The following MAP4K1 variants were observed in gnomAD, a reference collection of about 807,000 sequenced individuals.
MAP4K1 encodes mitogen-activated protein kinase kinase kinase kinase 1.
In MAP4K1, 35 loss-of-function variants were observed where a neutral mutation model predicts 122.8. The observed-to-expected ratio is 0.29, with a 90% CI of 0.22 to 0.38. The LOEUF is 0.38. Among genes scored for constraint, MAP4K1 ranks in the 10% least tolerant of loss-of-function variants. MAP4K1 has a pLI of 1.00. For synonymous variants in MAP4K1, 412 were observed against 421.3 expected (o/e 0.98, Z 0.27); for missense variants, 791 against 1,072.6 (o/e 0.74, Z 3.67).
At chr19:38,594,590 G>A (rs758968092) in intron 29 of MAP4K1, among the ~76,000 whole-genome samples, 18 of 150,664 alleles carry the variant, frequency 1.2e-4, no homozygotes, top group Non-Finnish European at 1.8e-4. Context: ...CAGTGAGCTC[G>A]GATCATGCCA....
Position 38,605,506 on chromosome 19 carries a change from G to A in MAP4K1, c.1364-15C>T, listed in dbSNP as rs765010081. On this transcript the variant is annotated splice_polypyrimidine_tract_variant and intron_variant, in intron 18 of 30. Coordinates refer to ENST00000396857, the MANE Select transcript of MAP4K1 (RefSeq NM_001042600.3). ...GAGTGAGGGTTCTGAGAGGGGTTAG[G>A]AGAAAATCAGCCCCCAAGAACCCCC... 45 of 1,561,818 alleles carry A rather than the reference G, an allele frequency of 2.9e-5. No homozygotes were observed. Among genetic ancestry groups the A allele is most frequent in the Middle Eastern group, 2.2e-4 (1 of 4,572 alleles).
chr19:38,595,027 G>A (rs1974830395), intron 29 of MAP4K1, among the ~76,000 whole-genome samples: 2 of 151,840 alleles, frequency 1.3e-5, no homozygotes, highest in South Asian at 2.1e-4. Context: ...GCTGACAGCT[G>A]TAATCCCAGC....
chr19:38,588,336 C>T (rs964508712), intron 30 of MAP4K1, among the ~76,000 whole-genome samples: 2 of 152,120 alleles, frequency 1.3e-5, no homozygotes, highest in Admixed American at 1.3e-4. Context: ...GTCAAAAGGA[C>T]ACAGGGGCTA....
At chr19:38,594,066 T>G (rs1974801620) in intron 29 of MAP4K1, among the ~76,000 whole-genome samples, 1 of 152,184 alleles carries the variant, frequency 6.6e-6, no homozygotes, top group African/African-American at 2.4e-5. Context: ...CAGTCTTGTC[T>G]TAACTATCCA....
In MAP4K1 at chr19:38,608,182, G is replaced by A. The variant is rs368606199; in HGVS notation, c.1007-12C>T. On this transcript the variant is annotated splice_polypyrimidine_tract_variant and intron_variant, in intron 13 of 30. Coordinates refer to ENST00000396857, the MANE Select transcript of MAP4K1 (RefSeq NM_001042600.3). Reference sequence around the variant, plus strand: ...CTCCATGTGCCGCCCTAGGGTGGGTGGGGGAAGATAACCTGCTGTGAGCTG... The same window carrying A: ...CTCCATGTGCCGCCCTAGGGTGGGTAGGGGAAGATAACCTGCTGTGAGCTG... The A allele has an allele frequency of 1.3e-5, 20 of 1,492,692 alleles. No individual in the cohort carries two copies. The highest frequency in any genetic ancestry group is 2.8e-5 in the African/African-American group (2 of 70,974). The allele number at this position is 1,492,692 out of a possible 1,614,324, so 92.5% of individuals were successfully genotyped here.
chr19:38,591,261 GCT>G (rs1203782509), intron 30 of MAP4K1, among the ~76,000 whole-genome samples: 1 of 152,086 alleles, frequency 6.6e-6, no homozygotes, highest in Non-Finnish European at 1.5e-5. Context: ...AGGTACAGTG[GCT>G]CACGCCTGTA....
Position 38,595,490 on chromosome 19 carries a change from C to T in MAP4K1, c.2335G>A (p.Asp779Asn), listed in dbSNP as rs761144774. ...GTTTGGATGGAGGGGCTTACCTGAT[C>T]CGAGCCTAGAGCCCACACCTGCACT... ...HGVQVWALGS[D>N]QLLQELRDPT... Residue 779 changes from aspartate to asparagine, a missense_variant, in exon 29 of 31, where the codon GAT becomes AAT. Transcript: ENST00000396857. 6.2e-7 allele frequency: 1 copy of T among 1,613,878 alleles called. No homozygotes were observed. Among genetic ancestry groups the T allele is most frequent in the Non-Finnish European group, 8.5e-7 (1 of 1,180,000 alleles).
rs1205446164 is a variant in MAP4K1, at chr19:38,595,575, C to T, written c.2270-20G>A. ...CCATAGCTGGGGAGAAAGCAATGCC[C>T]GTTACCCTTGGGGATCACTTGAGTT... On this transcript the variant is annotated intron_variant, in intron 28 of 30. Transcript: ENST00000396857. 1.9e-6 allele frequency: 3 copies of T among 1,614,040 alleles called. No individual in the cohort carries two copies. Among genetic ancestry groups the T allele is most frequent in the South Asian group, 1.1e-5 (1 of 91,080 alleles).
At chr19:38,596,027 T>C (rs1021797876) in intron 26 of MAP4K1, 26 bp from the exon 27 acceptor site, 2 of 1,608,712 alleles carry the variant, frequency 1.2e-6, no homozygotes, top group Non-Finnish European at 1.7e-6. Context: ...GGGTTAAGGA[T>C]TGACCCCACC....
chr19:38,599,827 CTAAGTT>C, intron 22 of MAP4K1, 92 bp downstream of exon 22: 2 of 1,146,528 alleles, frequency 1.7e-6, no homozygotes, highest in Non-Finnish European at 2.6e-6. Context: ...ACCAAGCAGT[CTAAGTT>C]TTTTTTCAGC....
intron 11 of MAP4K1, among the ~76,000 whole-genome samples, chr19:38,610,331 G>C (rs1041538848): frequency 2.0e-5 from 3 of 148,726 alleles, no homozygotes; most frequent in African/African-American, 7.5e-5. Context: ...TCAGCCTCCC[G>C]AGTGGCTGTG....
chr19:38,616,081 C>T, intron 4 of MAP4K1, 114 bp downstream of exon 4: 1 of 719,278 alleles, frequency 1.4e-6, no homozygotes, highest in Admixed American at 3.3e-5. Flanking sequence ...AAATATGGCC[C>T]AGAAAGACAG....
chr19:38,616,366 C>T (rs565584673), intron 3 of MAP4K1, 107 bp from the exon 4 acceptor site: 12 of 739,272 alleles, frequency 1.6e-5, no homozygotes, highest in Non-Finnish European at 2.2e-5. Context: ...AGAACTTTAA[C>T]GTAACAGCTC....
At chr19:38,610,596 G>A (rs936715381) in intron 11 of MAP4K1, among the ~76,000 whole-genome samples, 8 of 151,962 alleles carry the variant, frequency 5.3e-5, no homozygotes, top group African/African-American at 1.9e-4. Context: ...ATGTTGGCCA[G>A]GCTGGTCTCA....
intron 3 of MAP4K1, among the ~76,000 whole-genome samples, chr19:38,616,811 G>A (rs1057279623): frequency 2.6e-5 from 4 of 152,168 alleles, no homozygotes; most frequent in African/African-American, 9.7e-5. Flanking sequence ...GGGAATTTTA[G>A]ATTGGAGATT....
At chr19:38,615,056 G>A (rs1299162959) in intron 4 of MAP4K1, among the ~76,000 whole-genome samples, 14 of 151,980 alleles carry the variant, frequency 9.2e-5, no homozygotes, top group South Asian at 4.1e-4. Flanking sequence ...AAAGGTGCGC[G>A]TAGGAGGAGC....
intron 26 of MAP4K1, 25 bp downstream of exon 26, chr19:38,596,287 C>T (rs1361389358): frequency 6.5e-7 from 1 of 1,528,210 alleles, no homozygotes; most frequent in African/African-American, 1.4e-5. Context: ...AAGCCCCGCC[C>T]TCAGCAAGAC....
At chr19:38,592,110 A>C (rs1974744926) in intron 30 of MAP4K1, among the ~76,000 whole-genome samples, 1 of 152,028 alleles carries the variant, frequency 6.6e-6, no homozygotes, top group African/African-American at 2.4e-5. Flanking sequence ...CGTCTCTACA[A>C]AAAAATTTTA....
rs751111540 is a variant in MAP4K1, at chr19:38,612,625, A to C, written c.651T>G (p.Asp217Glu). Residue 217 changes from aspartate (D) to glutamate (E), a missense_variant, in exon 9 of 31, where the codon GAT becomes GAG. Coordinates refer to ENST00000396857, the MANE Select transcript of MAP4K1 (RefSeq NM_001042600.3). The stretch of plus-strand genomic sequence containing the variant: ...CGCCTGCCTACCTGAGAGGGTGCAC[A>C]TCAAAGAGCGGTGGCTGTAGCTCGG... ...ELAELQPPLF[D>E]VHPLRVLFLM... 1 of 1,613,246 alleles carries C rather than the reference A, an allele frequency of 6.2e-7. No individual in the cohort carries two copies. Among genetic ancestry groups the C allele is most frequent in the Admixed American group, 1.7e-5 (1 of 59,998 alleles).
Sources: gnomAD v4.1 joint callset for allele counts (sites outside exome capture counted in the v4.1 genomes callset) on GRCh38, gnomAD v4.1.1 for gene constraint, MANE v1.5 for transcripts, NCBI Gene and HGNC (gene_info 2026-07-23, HGNC 2026-07-21) for gene names.